Variants in NTRK3 observed in about 807,000 individuals in gnomAD.
NTRK3 encodes neurotrophic receptor tyrosine kinase 3.
NTRK3 carries 24 observed loss-of-function variants against 91.7 expected under a neutral mutation model. The ratio of observed to expected loss-of-function variants is 0.26; its 90% CI spans 0.19 to 0.37. The LOEUF (loss-of-function observed/expected upper bound fraction) is 0.37. Among genes scored for constraint, NTRK3 ranks in the 10% least tolerant of loss-of-function variants. The probability of loss-of-function intolerance (pLI) is 1.00; values close to 1 mark genes in which losing one functional copy is unlikely to be tolerated. For missense variants in NTRK3, 880 were observed against 1,068.9 expected, an observed-to-expected ratio of 0.82 and a Z score of 2.46; for synonymous variants, 483 against 404.0, an observed-to-expected ratio of 1.20 and a Z score of -2.34.
chr15:88,200,151 T>C (rs770859934), intron 3 of NTRK3, among the ~76,000 whole-genome samples: 13 of 152,202 alleles, frequency 8.5e-5, no homozygotes, highest in Non-Finnish European at 1.6e-4. Flanking sequence ...CATGTCCCCC[T>C]GCATTCACCA....
chr15:88,209,564 T>C (rs531215852), intron 3 of NTRK3, among the ~76,000 whole-genome samples: 1 of 152,082 alleles, frequency 6.6e-6, no homozygotes, highest in Admixed American at 6.5e-5. Flanking sequence ...AACACAGAGA[T>C]AAGCAACAGC....
chr15:87,949,099 C>T (rs1305120486), intron 14 of NTRK3, among the ~76,000 whole-genome samples: 1 of 152,064 alleles, frequency 6.6e-6, no homozygotes. Context: ...ATTAAAACTC[C>T]CCCTGAAGCA....
At chr15:88,211,078 T>C (rs1026756615) in intron 3 of NTRK3, among the ~76,000 whole-genome samples, 8 of 152,264 alleles carry the variant, frequency 5.3e-5, no homozygotes, top group African/African-American at 1.9e-4. Context: ...TTTAGTGGCA[T>C]TTAATACACT....
intron 17 of NTRK3, among the ~76,000 whole-genome samples, chr15:87,926,252 C>A (rs1183515934): frequency 6.6e-6 from 1 of 152,120 alleles, no homozygotes; most frequent in East Asian, 1.9e-4. Flanking sequence ...TTTCATTTTA[C>A]AGAAAAGTAG....
intron 14 of NTRK3, among the ~76,000 whole-genome samples, chr15:87,980,920 G>A (rs1310757591): frequency 6.6e-6 from 1 of 152,130 alleles, no homozygotes; most frequent in African/African-American, 2.4e-5. Context: ...TGAAGGAAAA[G>A]GGAAGGAAGG....
At chr15:88,022,926 G>C (rs558008714) in intron 14 of NTRK3, among the ~76,000 whole-genome samples, 1 of 152,222 alleles carries the variant, frequency 6.6e-6, no homozygotes, top group Non-Finnish European at 1.5e-5. Flanking sequence ...ATAACCACAA[G>C]GATGGCAGGT....
chr15:87,938,467 G>A (rs1241599779), intron 15 of NTRK3, among the ~76,000 whole-genome samples: 1 of 152,172 alleles, frequency 6.6e-6, no homozygotes, highest in Non-Finnish European at 1.5e-5. Flanking sequence ...ATCTTTTCCA[G>A]GCTGACCACT....
exon 19 of NTRK3, chr15:87,871,846 A>G (rs1380309795): frequency 4.5e-6 from 1 of 222,222 alleles, no homozygotes; most frequent in Non-Finnish European, 9.0e-6. Context: ...CTTTCTTTAG[A>G]AGACACTCCC....
intron 3 of NTRK3, among the ~76,000 whole-genome samples, chr15:88,188,478 A>G (rs183189291): frequency 2.0e-5 from 3 of 152,330 alleles, no homozygotes; most frequent in African/African-American, 7.2e-5. Flanking sequence ...ACCGCTAAGA[A>G]TCATCAGCCC....
intron 5 of NTRK3, among the ~76,000 whole-genome samples, chr15:88,161,801 G>A (rs1443156070): frequency 6.6e-6 from 1 of 152,168 alleles, no homozygotes; most frequent in Admixed American, 6.5e-5. Context: ...GAACAAACAT[G>A]CTGAGCTGCT....
chr15:88,004,065 G>C (rs2076311600), intron 14 of NTRK3, among the ~76,000 whole-genome samples: 1 of 152,116 alleles, frequency 6.6e-6, no homozygotes, highest in South Asian at 2.1e-4. Flanking sequence ...ACTTCTGTTT[G>C]CTGTGCCTCT....
intron 18 of NTRK3, among the ~76,000 whole-genome samples, chr15:87,878,960 A>G (rs2065091750): frequency 6.8e-6 from 1 of 146,210 alleles, no homozygotes; most frequent in African/African-American, 2.6e-5. Flanking sequence ...TGTGTTCCTA[A>G]CCCTTCCTCC....
chr15:87,975,057 C>G (rs1447370560), intron 14 of NTRK3, among the ~76,000 whole-genome samples: 2 of 152,194 alleles, frequency 1.3e-5, no homozygotes, highest in Non-Finnish European at 2.9e-5. Flanking sequence ...GTTATTCAAT[C>G]TTTCTGAGCT....
intron 17 of NTRK3, among the ~76,000 whole-genome samples, chr15:87,915,530 T>C (rs2067387008): frequency 6.6e-6 from 1 of 152,224 alleles, no homozygotes; most frequent in South Asian, 2.1e-4. Context: ...CTCCTGGGCT[T>C]CCAACAGATC....
At chr15:87,864,077 A>G (rs375901341) in exon 19 of NTRK3, 28 of 232,748 alleles carry the variant, frequency 1.2e-4, no homozygotes, top group African/African-American at 4.4e-4. Context: ...CCCCAACAGT[A>G]CACAAATCTT....
intron 13 of NTRK3, among the ~76,000 whole-genome samples, chr15:88,069,666 C>T (rs2046942846): frequency 6.6e-6 from 1 of 152,142 alleles, no homozygotes; most frequent in Non-Finnish European, 1.5e-5. Flanking sequence ...CAGATGGGGC[C>T]ACGATATGAA....
Position 88,170,686 on chromosome 15 carries a change from A to ACC in NTRK3, c.395+12730_395+12731dup, listed in dbSNP as rs1391378426. Among the ~76,000 whole-genome samples, 11 of 152,128 alleles carry ACC rather than the reference A, an allele frequency of 7.2e-5. 1 individual carries two copies. The highest frequency in any genetic ancestry group is 2.7e-4 in the African/African-American group (11 of 41,422). ...ACGACCAGGGCAGCAGAAGAACCAG[A>ACC]CCGCCACACCCTCAGGACGTAGGCT... On this transcript the variant is annotated intron_variant, in intron 5 of 18. Transcript: ENST00000394480.
chr15:88,147,212 C>G, intron 6 of NTRK3, 123 bp downstream of exon 6: 1 of 906,740 alleles, frequency 1.1e-6, no homozygotes. Flanking sequence ...TGTCAACCAA[C>G]CCAAGTAGGC....
At chr15:88,162,578 A>G (rs781045574) in intron 5 of NTRK3, among the ~76,000 whole-genome samples, 2 of 152,230 alleles carry the variant, frequency 1.3e-5, no homozygotes, top group Non-Finnish European at 2.9e-5. Context: ...CTCGCACCAG[A>G]CAACGCACTC....
Sources: allele counts gnomAD v4.1 joint callset (sites outside exome capture counted in the v4.1 genomes callset), GRCh38; gene constraint gnomAD v4.1.1; transcripts MANE v1.5; gene names NCBI Gene and HGNC (gene_info 2026-07-23, HGNC 2026-07-21).